Variants in NTN1 observed in about 807,000 individuals in gnomAD.
The protein encoded by NTN1 is netrin-1.
In NTN1, 11 loss-of-function variants were observed where a neutral mutation model predicts 54.2. That is an observed-to-expected ratio of 0.20 (90% CI 0.13 to 0.34). The LOEUF is 0.34. NTN1 is among the 10% of genes least tolerant of loss of function. The pLI is 1.00. For synonymous variants in NTN1, 371 were observed against 382.0 expected, an observed-to-expected ratio of 0.97 and a Z score of 0.33; for missense variants, 740 against 893.1, an observed-to-expected ratio of 0.83 and a Z score of 2.18.
chr17:9,234,772 C>A (rs951776064), intron 6 of NTN1, among the ~76,000 whole-genome samples: 5 of 152,180 alleles, frequency 3.3e-5, no homozygotes, highest in African/African-American at 1.2e-4. Flanking sequence ...TATGATAAAA[C>A]CAGAAGCAGC....
At chr17:9,065,479 G>A (rs1567701693) in intron 2 of NTN1, among the ~76,000 whole-genome samples, 4 of 152,040 alleles carry the variant, frequency 2.6e-5, no homozygotes, top group Admixed American at 2.0e-4. Context: ...CCTGACACCC[G>A]GTCTGAAGCA....
intron 2 of NTN1, among the ~76,000 whole-genome samples, chr17:9,063,023 CTT>C (rs1453809910): frequency 6.6e-6 from 1 of 151,782 alleles, no homozygotes; most frequent in African/African-American, 2.4e-5. Context: ...ATGAGACTAT[CTT>C]TTCTTTTTCT....
rs11393526 is a variant in NTN1 at position 9,029,990 on chromosome 17, C to CAA, written c.1018+6608_1018+6609dup. On this transcript the variant is annotated intron_variant, in intron 2 of 6. Transcript: ENST00000173229. The stretch of plus-strand genomic sequence containing the variant: ...CTGGCAACAGAGCGAAACTCCGTCT[C>CAA]AAAAAAAAAAGAAAAAGTTACATAA... Among the ~76,000 whole-genome samples the CAA allele has an allele frequency of 1.1e-3, 165 of 148,212 alleles. 1 individual carries two copies. Among genetic ancestry groups the CAA allele is most frequent in the African/African-American group, 3.3e-3 (132 of 40,258 alleles).
intron 2 of NTN1, among the ~76,000 whole-genome samples, chr17:9,161,543 G>A (rs1302477114): frequency 6.6e-6 from 1 of 152,116 alleles, no homozygotes; most frequent in Non-Finnish European, 1.5e-5. Flanking sequence ...ACTTTGGGAG[G>A]CTGAGGTGGG....
chr17:9,130,438 G>A (rs896829871), intron 2 of NTN1, among the ~76,000 whole-genome samples: 3 of 152,110 alleles, frequency 2.0e-5, no homozygotes, highest in Non-Finnish European at 2.9e-5. Flanking sequence ...TAAAGATCAG[G>A]TGTGAGAGGC....
At chr17:9,057,129 C>G (rs2091981936) in intron 2 of NTN1, among the ~76,000 whole-genome samples, 1 of 151,990 alleles carries the variant, frequency 6.6e-6, no homozygotes, top group Admixed American at 6.5e-5. Flanking sequence ...GAGTGTACCC[C>G]CTTCTCCCCC....
Position 9,221,615 on chromosome 17 carries a change from A to G in NTN1, c.1486+373A>G, listed in dbSNP as rs909984588. 1.7e-4 allele frequency among the ~76,000 whole-genome samples: 26 copies of G among 152,192 alleles called. No homozygotes were observed. Among genetic ancestry groups the G allele is most frequent in the Non-Finnish European group, 3.5e-4 (24 of 68,028 alleles). On this transcript the variant is annotated intron_variant, in intron 6 of 6. Coordinates refer to ENST00000173229, the MANE Select transcript of NTN1 (RefSeq NM_004822.3). The surrounding 1 kb of genome is among the most constrained non-coding windows in gnomAD (Gnocchi z 4.5). The stretch of plus-strand genomic sequence containing the variant: ...ATTTGACCCGAGTCCACGTGGCTCA[A>G]AGGGAAGCTCTCTGGGCATCAGACA...
intron 2 of NTN1, among the ~76,000 whole-genome samples, chr17:9,027,604 C>G (rs2091875372): frequency 2.0e-5 from 3 of 152,160 alleles, no homozygotes; most frequent in Admixed American, 6.5e-5. Flanking sequence ...TTGCTTCTTG[C>G]TAGAACTGGG....
At chr17:9,036,173 A>G (rs1044079103) in intron 2 of NTN1, among the ~76,000 whole-genome samples, 18 of 152,014 alleles carry the variant, frequency 1.2e-4, no homozygotes, top group Non-Finnish European at 2.2e-4. Context: ...TTCAGCTTTA[A>G]TAGACAGTGG....
intron 2 of NTN1, among the ~76,000 whole-genome samples, chr17:9,133,169 C>A (rs1453345154): frequency 6.6e-6 from 1 of 152,192 alleles, no homozygotes; most frequent in African/African-American, 2.4e-5. Flanking sequence ...TCAGGGATCT[C>A]TGACACTGCA....
the NTN1 span, among the ~76,000 whole-genome samples, chr17:9,015,279 C>T: frequency 1.3e-4 from 20 of 152,088 alleles, no homozygotes; most frequent in South Asian, 1.2e-3. Context: ...GGTGTGGTGG[C>T]GGGTGCCTGT....
chr17:9,017,937 T>C (rs368977431), upstream of NTN1, among the ~76,000 whole-genome samples: 4 of 152,176 alleles, frequency 2.6e-5, no homozygotes, highest in Non-Finnish European at 5.9e-5. Context: ...TTAAGATAAC[T>C]GGGAACATTT....
At chr17:9,223,809 A>G (rs1011189888) in intron 6 of NTN1, among the ~76,000 whole-genome samples, 2 of 152,194 alleles carry the variant, frequency 1.3e-5, no homozygotes, top group African/African-American at 2.4e-5. Flanking sequence ...AGAGGAGTTA[A>G]TGGGTCGCAG....
intron 2 of NTN1, among the ~76,000 whole-genome samples, chr17:9,145,743 C>G (rs574192430): frequency 3.3e-5 from 5 of 151,940 alleles, no homozygotes; most frequent in Non-Finnish European, 5.9e-5. Context: ...ATGGCAAAAC[C>G]CTGTCTCTAC....
At chr17:9,107,581 C>A (rs1184277441) in intron 2 of NTN1, among the ~76,000 whole-genome samples, 2 of 152,242 alleles carry the variant, frequency 1.3e-5, no homozygotes, top group African/African-American at 2.4e-5. Context: ...TGGCTGACTT[C>A]TTTGAACTTC....
At chr17:9,189,449 T>A (rs2142326052) in intron 5 of NTN1, among the ~76,000 whole-genome samples, 1 of 152,342 alleles carries the variant, frequency 6.6e-6, no homozygotes, top group South Asian at 2.1e-4. Flanking sequence ...CCTTCCTGTT[T>A]CAAGCAATTC....
intron 5 of NTN1, among the ~76,000 whole-genome samples, chr17:9,203,018 T>C (rs2142338886): frequency 6.6e-6 from 1 of 152,232 alleles, no homozygotes; most frequent in East Asian, 1.9e-4. Flanking sequence ...GCCTTCCGGG[T>C]TCACACCATT....
chr17:9,116,443 C>T (rs1360190977), intron 2 of NTN1, among the ~76,000 whole-genome samples: 6 of 152,152 alleles, frequency 3.9e-5, no homozygotes, highest in African/African-American at 1.2e-4. Flanking sequence ...TTTTGTGACC[C>T]GGGGAGGGGC....
At chr17:9,102,048 A>G (rs1351662879) in intron 2 of NTN1, among the ~76,000 whole-genome samples, 1 of 152,272 alleles carries the variant, frequency 6.6e-6, no homozygotes, top group Non-Finnish European at 1.5e-5. Flanking sequence ...CCACTCCATT[A>G]ATCATCAGGA....
Sources: allele counts gnomAD v4.1 joint callset (sites outside exome capture counted in the v4.1 genomes callset), GRCh38; gene constraint gnomAD v4.1.1; non-coding constraint Gnocchi (gnomAD v3.1); transcripts MANE v1.5; gene names NCBI Gene and HGNC (gene_info 2026-07-23, HGNC 2026-07-21).